The following SEPTIN4 variants were observed in gnomAD, a reference collection of about 807,000 sequenced individuals.
SEPTIN4 encodes the protein septin 4, also known as septin-4.
A neutral mutation model predicts 107.1 loss-of-function variants in SEPTIN4; 52 were observed. That is an observed-to-expected ratio of 0.49 (90% CI 0.39 to 0.61). The LOEUF (loss-of-function observed/expected upper bound fraction) is 0.61. SEPTIN4 is among the 20% of genes least tolerant of loss of function. The pLI, the probability that SEPTIN4 is intolerant of heterozygous loss-of-function variation, is 0.00. For missense variants in SEPTIN4, 1,048 were observed against 1,243.5 expected (o/e 0.84, Z 2.36); for synonymous variants, 417 against 467.0 (o/e 0.89, Z 1.38).
intron 3 of SEPTIN4, among the ~76,000 whole-genome samples, chr17:58,535,837 G>T (rs2043691569): frequency 6.6e-6 from 1 of 152,152 alleles, no homozygotes; most frequent in African/African-American, 2.4e-5. Context: ...CCAGGAGATG[G>T]CTGATCAATA....
In SEPTIN4 at chr17:58,521,135, A is replaced by C; in HGVS notation, c.2694T>G (p.Phe898Leu). 2 of 1,614,106 alleles carry C rather than the reference A, an allele frequency of 1.2e-6. No individual in the cohort carries two copies. The highest frequency in any genetic ancestry group is 2.2e-5 in the South Asian group (2 of 91,074). The change falls in exon 12 of 14, where the codon TTT becomes TTG. Residue 898 changes from phenylalanine (F) to leucine (L), a missense_variant. Around this residue, in one of 2 missense-constraint regions of SEPTIN4, gnomAD observed 261 missense variants for 371.7 expected, o/e 0.70. Coordinates refer to ENST00000672673, the MANE Select transcript of SEPTIN4 (RefSeq NM_001368771.2). The surrounding 1 kb of genome is among the most constrained non-coding windows in gnomAD (Gnocchi z 6.4). ...VEVENPGHCD[F>L]VKLRTMLVRT... Reference sequence around the variant, plus strand: ...GTACCAGCATTGTCCTCAGCTTCACAAAGTCGCAGTGCCCTGGGTTTTCCA... The same window carrying C: ...GTACCAGCATTGTCCTCAGCTTCACCAAGTCGCAGTGCCCTGGGTTTTCCA...
Position 58,525,725 on chromosome 17 carries a change from A to C in SEPTIN4, c.2062T>G (p.Tyr688Asp). Residue 688 changes from tyrosine to aspartate, a missense_variant, in exon 6 of 14, where the codon TAC becomes GAC. This residue lies in a region of SEPTIN4 where 787 missense variants were observed against 871.8 expected (regional missense o/e 0.90). Coordinates refer to ENST00000672673, the MANE Select transcript of SEPTIN4 (RefSeq NM_001368771.2). The part of the protein sequence containing the change: ...LVNSLFLTDL[Y>D]RDRKLLGAEE... ...GCACCAAGAAGTTTCCGGTCCCGGTACAGATCAGTGAGGAAGAGGCTATTG... is the reference window on the plus strand; with the variant it reads ...GCACCAAGAAGTTTCCGGTCCCGGTCCAGATCAGTGAGGAAGAGGCTATTG... The C allele has an allele frequency of 6.2e-7, 1 of 1,614,166 alleles. No homozygotes were observed. Among genetic ancestry groups the C allele is most frequent in the African/African-American group, 1.3e-5 (1 of 75,046 alleles).
At chr17:58,524,879 A>G (rs1223316217) in intron 7 of SEPTIN4, 199 bp downstream of exon 7, 1 of 646,524 alleles carries the variant, frequency 1.5e-6, no homozygotes, top group Non-Finnish European at 2.7e-6. Flanking sequence ...ATTGGAAGGA[A>G]CATTAAAAAT....
intron 7 of SEPTIN4, among the ~76,000 whole-genome samples, chr17:58,522,733 G>A (rs1219184287): frequency 6.6e-6 from 1 of 151,518 alleles, no homozygotes. Flanking sequence ...CTGGAAGCCA[G>A]GGAAACCCTA....
chr17:58,529,352 T>C, intron 3 of SEPTIN4: 1 of 1,470,494 alleles, frequency 6.8e-7, no homozygotes, highest in Non-Finnish European at 9.0e-7. Context: ...AAAAAGCCTG[T>C]GGAATGTCCT....
At chr17:58,532,176 G>A (rs1218398549) in intron 3 of SEPTIN4, 2 of 920,484 alleles carry the variant, frequency 2.2e-6, no homozygotes, top group African/African-American at 1.8e-5. Flanking sequence ...AGTGGGTCGG[G>A]GTGCCCAGCT....
intron 3 of SEPTIN4, chr17:58,531,939 C>G: frequency 8.7e-7 from 1 of 1,146,120 alleles, no homozygotes; most frequent in Non-Finnish European, 1.1e-6. Flanking sequence ...CCCGCGCCCG[C>G]CCGCCTGCCT....
intron 3 of SEPTIN4, chr17:58,527,985 T>C: frequency 2.0e-6 from 2 of 985,654 alleles, no homozygotes; most frequent in Non-Finnish European, 2.4e-6. Flanking sequence ...CATTGTCAGC[T>C]CTAGACCCTA....
intron 5 of SEPTIN4, 122 bp downstream of exon 5, chr17:58,526,098 C>CA: frequency 8.7e-7 from 1 of 1,144,800 alleles, no homozygotes; most frequent in African/African-American, 1.8e-5. Flanking sequence ...GGCTGTTTTG[C>CA]AAAACAGTAC....
intron 7 of SEPTIN4, among the ~76,000 whole-genome samples, chr17:58,523,283 G>A (rs928220938): frequency 4.0e-5 from 6 of 151,116 alleles, no homozygotes; most frequent in African/African-American, 1.5e-4. Flanking sequence ...GTTGAGGTGG[G>A]AAGATAACCT....
Position 58,525,796 on chromosome 17 carries a change from G to A in SEPTIN4, c.2006-15C>T, listed in dbSNP as rs2042790702. On this transcript the variant is annotated splice_polypyrimidine_tract_variant and intron_variant, in intron 5 of 13. Transcript: ENST00000672673. ...GCCAGACTCTCCTGAGAGGAGAGAG[G>A]ACAGAGGCACCAAATCAGAAGGTAA... 1 of 1,604,586 alleles carries A rather than the reference G, an allele frequency of 6.2e-7. No homozygotes were observed. The highest frequency in any genetic ancestry group is 1.7e-5 in the Admixed American group (1 of 59,996).
At chr17:58,522,957 A>G (rs530729020) in intron 7 of SEPTIN4, among the ~76,000 whole-genome samples, 1 of 152,338 alleles carries the variant, frequency 6.6e-6, no homozygotes, top group South Asian at 2.1e-4. Flanking sequence ...CTCAATTTTC[A>G]TATCCTTTGC....
At chr17:58,520,570 G>T in intron 13 of SEPTIN4, 85 bp from the exon 14 acceptor site, 1 of 1,566,584 alleles carries the variant, frequency 6.4e-7, no homozygotes, top group Non-Finnish European at 8.8e-7. Context: ...AATCCCTTAA[G>T]CCAGAACCTT....
rs1248720170 is a variant in SEPTIN4 at position 58,526,760 on chromosome 17, G to C, written c.1833C>G (p.Phe611Leu). ...RPQSSDNQQY[F>L]CAPAPLSPSA... ...ATGGGCTGAGAGGGGCTGGGGCACA[G>C]AAGTACTGCTGGTTGTCAGAGGACT... is the stretch of plus-strand genomic sequence containing the variant. The change falls in exon 4 of 14, where the codon TTC becomes TTG. Residue 611 changes from phenylalanine to leucine, a missense_variant. Physicochemically the swap from Phe to Leu is conservative, Grantham distance 22. Coordinates refer to ENST00000672673, the MANE Select transcript of SEPTIN4 (RefSeq NM_001368771.2). 7 of 1,613,444 alleles carry C rather than the reference G, an allele frequency of 4.3e-6. No individual in the cohort carries two copies. Among genetic ancestry groups the C allele is most frequent in the Non-Finnish European group, 5.1e-6 (6 of 1,179,834 alleles).
At chr17:58,530,410 T>C (rs2043355362) in intron 3 of SEPTIN4, 1 of 152,270 alleles carries the variant, frequency 6.6e-6, no homozygotes, top group South Asian at 2.1e-4. Context: ...TCTCCCCCAC[T>C]GATTCCCAAA....
intron 6 of SEPTIN4, 86 bp downstream of exon 6, chr17:58,525,609 T>C: frequency 1.6e-6 from 2 of 1,229,680 alleles, no homozygotes; most frequent in Non-Finnish European, 2.4e-6. Context: ...GTTTCCTGCA[T>C]GTGGGGGAGA....
At chr17:58,540,576 A>G in intron 3 of SEPTIN4, 90 bp downstream of exon 3, 1 of 1,073,004 alleles carries the variant, frequency 9.3e-7, no homozygotes, top group Non-Finnish European at 1.2e-6. Context: ...GTCTCCCTCC[A>G]TGCCCACTCC....
At chr17:58,537,416 C>T (rs2043749969) in intron 3 of SEPTIN4, among the ~76,000 whole-genome samples, 1 of 152,200 alleles carries the variant, frequency 6.6e-6, no homozygotes, top group Admixed American at 6.5e-5. Context: ...CAGAGGCCAC[C>T]AGCCTTCCAT....
chr17:58,536,513 C>T (rs2043716662), intron 3 of SEPTIN4, among the ~76,000 whole-genome samples: 1 of 152,140 alleles, frequency 6.6e-6, no homozygotes, highest in East Asian at 1.9e-4. Context: ...AGCTAGACAC[C>T]ATCTCTAGAA....
Sources: gnomAD v4.1 joint callset for allele counts (sites outside exome capture counted in the v4.1 genomes callset) on GRCh38, gnomAD v4.1.1 for gene constraint, gnomAD v4.1.1 regional missense constraint, Gnocchi (gnomAD v3.1) non-coding constraint, MANE v1.5 for transcripts, NCBI Gene and HGNC (gene_info 2026-07-23, HGNC 2026-07-21) for gene names.